TPST2: variants seen among roughly 807,000 people sequenced by gnomAD.
The protein encoded by TPST2 is tyrosylprotein sulfotransferase 2, also known as protein-tyrosine sulfotransferase 2.
Under a neutral mutation model 27.8 loss-of-function variants are expected in TPST2, and 16 were observed. The observed-to-expected ratio is 0.58, with a 90% CI of 0.39 to 0.88. TPST2 has a LOEUF of 0.88. TPST2 is among the 40% of genes least tolerant of loss of function. The pLI, the probability that TPST2 is intolerant of heterozygous loss-of-function variation, is 0.00. For missense variants in TPST2, 464 were observed against 543.1 expected (o/e 0.85, Z 1.45); for synonymous variants, 229 against 231.7 (o/e 0.99, Z 0.10).
intron 1 of TPST2, among the ~76,000 whole-genome samples, chr22:26,579,689 G>C (rs1026510141): frequency 2.0e-5 from 3 of 152,224 alleles, no homozygotes; most frequent in Non-Finnish European, 4.4e-5. Context: ...GAAAGGAAGG[G>C]CCGTGCTGGC....
chr22:26,570,030 A>G (rs1927559465), intron 1 of TPST2, among the ~76,000 whole-genome samples: 1 of 136,614 alleles, frequency 7.3e-6, no homozygotes, highest in African/African-American at 3.0e-5. Context: ...AAAGAAAGAA[A>G]GAAAGAAAGA....
intron 1 of TPST2, among the ~76,000 whole-genome samples, chr22:26,545,082 G>A (rs949379740): frequency 6.6e-6 from 1 of 152,206 alleles, no homozygotes; most frequent in African/African-American, 2.4e-5. Flanking sequence ...GCTGGGTATG[G>A]TTGATCAGGT....
intron 1 of TPST2, among the ~76,000 whole-genome samples, chr22:26,545,876 T>TA (rs1364856816): frequency 2.6e-5 from 4 of 152,070 alleles, no homozygotes; most frequent in African/African-American, 9.7e-5. Context: ...GCCCAGGAGT[T>TA]AGAGACCAGC....
At chr22:26,563,954 C>T (rs955716773) in intron 1 of TPST2, among the ~76,000 whole-genome samples, 15 of 152,152 alleles carry the variant, frequency 9.9e-5, no homozygotes, top group African/African-American at 2.4e-4. Context: ...AGGGGGTCGG[C>T]GGGCTCAGGG....
At chr22:26,552,429 C>T (rs1229910857) in intron 1 of TPST2, among the ~76,000 whole-genome samples, 1 of 152,134 alleles carries the variant, frequency 6.6e-6, no homozygotes, top group Non-Finnish European at 1.5e-5. Flanking sequence ...CGGTGAAATG[C>T]TTTGTTGGAG....
At chr22:26,574,558 C>T (rs902268331) in intron 1 of TPST2, among the ~76,000 whole-genome samples, 9 of 152,164 alleles carry the variant, frequency 5.9e-5, no homozygotes, top group African/African-American at 1.9e-4. Flanking sequence ...TGCCCAGGAA[C>T]GAGCAAGCCA....
intron 1 of TPST2, among the ~76,000 whole-genome samples, chr22:26,585,545 C>T (rs557825009): frequency 9.9e-4 from 150 of 152,278 alleles, no homozygotes; most frequent in Middle Eastern, 3.4e-3. Context: ...TCAGAGGGCA[C>T]GGGGACTTGC....
At chr22:26,535,877 A>G (rs1925427414) in intron 4 of TPST2, 1 of 340,914 alleles carries the variant, frequency 2.9e-6, no homozygotes, top group Non-Finnish European at 5.8e-6. Context: ...TTGTCTGAGA[A>G]ATCCACATTA....
At chr22:26,585,830 C>G (rs892597740) in intron 1 of TPST2, among the ~76,000 whole-genome samples, 15 of 152,118 alleles carry the variant, frequency 9.9e-5, no homozygotes, top group Non-Finnish European at 1.6e-4. Flanking sequence ...GCGGGCGGAT[C>G]ACAAGGTCAG....
Position 26,578,128 on chromosome 22 carries a change from C to A in TPST2, c.-161+11925G>T, listed in dbSNP as rs149791202. On this transcript the variant is annotated intron_variant, in intron 1 of 6. Transcript: ENST00000338754. ...TAGGCTGGTCTTGAACTCCTGACCT[C>A]AGGTGATCCGCGCATCTCCGCCTCC... is the stretch of plus-strand genomic sequence containing the variant. Among the ~76,000 whole-genome samples, 21 of 152,324 alleles carry A rather than the reference C, an allele frequency of 1.4e-4. No individual in the cohort carries two copies. The East Asian group carries it at 3.9e-3, about 28-fold the overall frequency.
At chr22:26,527,258 A>AGT (rs1325357129) in intron 6 of TPST2, among the ~76,000 whole-genome samples, 1 of 152,218 alleles carries the variant, frequency 6.6e-6, no homozygotes, top group African/African-American at 2.4e-5. Flanking sequence ...CATGTAAAAT[A>AGT]ACCTCTCTTG....
At chr22:26,584,006 G>T (rs1328490043) in intron 1 of TPST2, among the ~76,000 whole-genome samples, 7 of 152,238 alleles carry the variant, frequency 4.6e-5, no homozygotes, top group Non-Finnish European at 8.8e-5. Context: ...GGCAGCTTCA[G>T]GCCACTCCAG....
At chr22:26,563,580 C>G (rs1024333725) in intron 1 of TPST2, among the ~76,000 whole-genome samples, 1 of 152,136 alleles carries the variant, frequency 6.6e-6, no homozygotes, top group Non-Finnish European at 1.5e-5. Context: ...CCACCCGCCT[C>G]GGCCTCCTAA....
intron 5 of TPST2, among the ~76,000 whole-genome samples, chr22:26,530,631 CAA>C (rs34776057): frequency 1.7e-5 from 2 of 118,282 alleles, no homozygotes; most frequent in African/African-American, 3.2e-5. Context: ...AACCCCATCT[CAA>C]AAAAAAAAAG....
At chr22:26,578,434 A>G (rs1927947512) in intron 1 of TPST2, among the ~76,000 whole-genome samples, 1 of 152,180 alleles carries the variant, frequency 6.6e-6, no homozygotes. Context: ...GGGGTACAGC[A>G]ACCTGTGTTG....
chr22:26,574,002 G>A (rs1208240624), intron 1 of TPST2, among the ~76,000 whole-genome samples: 2 of 152,168 alleles, frequency 1.3e-5, no homozygotes, highest in South Asian at 2.1e-4. Flanking sequence ...AGAAACCCAC[G>A]AGAGAGAAGG....
intron 1 of TPST2, among the ~76,000 whole-genome samples, chr22:26,584,364 G>A (rs1928251222): frequency 6.6e-6 from 1 of 152,190 alleles, no homozygotes; most frequent in South Asian, 2.1e-4. Context: ...CTGATCATCA[G>A]GGAAGGAGTG....
chr22:26,538,947 C>T (rs1426457863), intron 3 of TPST2, among the ~76,000 whole-genome samples: 1 of 152,254 alleles, frequency 6.6e-6, no homozygotes. Context: ...GTTTCATCAA[C>T]AGGCCCTGAA....
intron 1 of TPST2, among the ~76,000 whole-genome samples, chr22:26,562,329 G>T (rs955181021): frequency 1.3e-5 from 2 of 152,128 alleles, no homozygotes; most frequent in African/African-American, 4.8e-5. Flanking sequence ...AACAACAATG[G>T]TGTCCTTTGG....
Sources: allele counts gnomAD v4.1 joint callset (sites outside exome capture counted in the v4.1 genomes callset), GRCh38; gene constraint gnomAD v4.1.1; transcripts MANE v1.5; gene names NCBI Gene and HGNC (gene_info 2026-07-23, HGNC 2026-07-21).